The following SKOR2 variants were observed in gnomAD, a reference collection of about 807,000 sequenced individuals.
SKOR2 encodes the protein LBX1 corepressor 1-like protein.
In SKOR2, 47 loss-of-function variants were observed where a neutral mutation model predicts 69.1. That is an observed-to-expected ratio of 0.68 (90% CI 0.54 to 0.87). SKOR2 has a LOEUF of 0.87. Ranked by LOEUF, SKOR2 falls within the 40% of genes least tolerant of loss-of-function variation. The pLI is 0.00. For synonymous variants in SKOR2, 717 were observed against 672.6 expected (o/e 1.07, Z -1.02); for missense variants, 1,404 against 1,472.2 (o/e 0.95, Z 0.76).
chr18:47,243,744 T>C (rs1908772413), intron 4 of SKOR2, among the ~76,000 whole-genome samples: 1 of 152,220 alleles, frequency 6.6e-6, no homozygotes, highest in South Asian at 2.1e-4. Flanking sequence ...TTTCAAAGGA[T>C]ATAAGGCTTT....
chr18:47,245,597 C>T (rs2064269428), intron 2 of SKOR2, 36 bp from the exon 3 acceptor site: 1 of 1,467,040 alleles, frequency 6.8e-7, no homozygotes, highest in Non-Finnish European at 9.0e-7. Context: ...AAATCAATGC[C>T]CGGATCAAAC....
chr18:47,236,313 A>G (rs2064223444), intron 4 of SKOR2, among the ~76,000 whole-genome samples: 3 of 152,178 alleles, frequency 2.0e-5, no homozygotes, highest in Admixed American at 1.3e-4. Context: ...ATTGCCTAAC[A>G]GGCATTTATT....
rs1452787563 is a variant in SKOR2, at chr18:47,239,340, C to T, written c.2752+5568G>A. On this transcript the variant is annotated intron_variant, in intron 4 of 8. Coordinates refer to ENST00000425639, the MANE Select transcript of SKOR2 (RefSeq NM_001278063.4). ...TTGGCACTTCAGTGAGGTCACAGAA[C>T]AGAAAAGAAAAAAAAATCAATATCA... Among the ~76,000 whole-genome samples the T allele has an allele frequency of 2.7e-5, 4 of 148,186 alleles. No individual in the cohort carries two copies. The East Asian group carries it at 5.9e-4, about 22-fold the overall frequency.
chr18:47,207,333 T>C (rs1241419884), intron 8 of SKOR2, among the ~76,000 whole-genome samples: 1 of 152,314 alleles, frequency 6.6e-6, no homozygotes, highest in South Asian at 2.1e-4. Flanking sequence ...TGCATATTTA[T>C]AACTGATAAT....
At chr18:47,230,409 G>T in intron 6 of SKOR2, 50 bp downstream of exon 6, 1 of 1,101,554 alleles carries the variant, frequency 9.1e-7, no homozygotes, top group South Asian at 2.7e-5. Flanking sequence ...CCTAATAATA[G>T]AAACGTAATC....
At chr18:47,215,613 G>A (rs1282635813) in intron 7 of SKOR2, among the ~76,000 whole-genome samples, 1 of 152,122 alleles carries the variant, frequency 6.6e-6, no homozygotes, top group African/African-American at 2.4e-5. Context: ...CAAGTCCACC[G>A]TGAACAAAAC....
Position 47,246,499 on chromosome 18 carries a change from G to A in SKOR2, c.2613+72C>T, listed in dbSNP as rs2064273833. The A allele has an allele frequency of 1.6e-5, 22 of 1,412,914 alleles. No homozygotes were observed. The South Asian group carries it at 3.3e-4, about 21-fold the overall frequency. The allele number at this position is 1,412,914 out of a possible 1,614,324, so 87.5% of individuals were successfully genotyped here. A position where few individuals can be genotyped will look rare whatever the true frequency, so the allele number is the denominator to read the frequency against. On this transcript the variant is annotated intron_variant, in intron 2 of 8. Coordinates refer to ENST00000425639, the MANE Select transcript of SKOR2 (RefSeq NM_001278063.4). ...GGTGATTCATCTTTCCTGCGCATAT[G>A]TAACCGATTCAGCCTAAAGGTGCAT...
In SKOR2 at chr18:47,245,440, C is replaced by T. The variant is rs554287097; in HGVS notation, c.2677+58G>A. Reference sequence around the variant, plus strand: ...GTGAGGAGGCTGGGCATAAGTCTCACAGAAATGGTTAAATGCAGGCAAGAA... The same window carrying T: ...GTGAGGAGGCTGGGCATAAGTCTCATAGAAATGGTTAAATGCAGGCAAGAA... On this transcript the variant is annotated intron_variant, in intron 3 of 8. Coordinates refer to ENST00000425639, the MANE Select transcript of SKOR2 (RefSeq NM_001278063.4). 503 of 1,416,850 alleles carry T rather than the reference C, an allele frequency of 3.6e-4. 4 individuals carry two copies. Among genetic ancestry groups the T allele is most frequent in the African/African-American group, 3.1e-3 (195 of 63,478 alleles). 87.8% of individuals were successfully genotyped at this position (1,416,850 alleles called of 1,614,324 possible). A position where few individuals can be genotyped will look rare whatever the true frequency, so the allele number is the denominator to read the frequency against.
At chr18:47,212,057 A>G (rs984170906) in intron 8 of SKOR2, 29 bp downstream of exon 8, 3 of 1,231,488 alleles carry the variant, frequency 2.4e-6, no homozygotes, top group Middle Eastern at 3.1e-4. Context: ...CAGAGAGTTA[A>G]GAAAATCTCT....
intron 7 of SKOR2, among the ~76,000 whole-genome samples, chr18:47,215,073 A>T (rs541432745): frequency 6.6e-6 from 1 of 152,342 alleles, no homozygotes; most frequent in Non-Finnish European, 1.5e-5. Flanking sequence ...AACATCTCAA[A>T]AAGAGAAAGA....
intron 4 of SKOR2, among the ~76,000 whole-genome samples, chr18:47,242,159 A>T (rs1274846209): frequency 1.3e-5 from 2 of 152,180 alleles, no homozygotes; most frequent in Non-Finnish European, 1.5e-5. Context: ...CTAGGTCAAT[A>T]AGCATGGGGA....
intron 4 of SKOR2, among the ~76,000 whole-genome samples, chr18:47,238,722 C>T (rs948700530): frequency 1.3e-5 from 2 of 152,204 alleles, no homozygotes; most frequent in Admixed American, 6.5e-5. Context: ...TAATTTCGGT[C>T]AAGTGTCCAG....
intron 4 of SKOR2, among the ~76,000 whole-genome samples, chr18:47,233,423 G>A (rs1187147938): frequency 6.6e-6 from 1 of 152,112 alleles, no homozygotes. Flanking sequence ...TTATTAATGG[G>A]TAAACCAAGA....
intron 4 of SKOR2, 136 bp downstream of exon 4, chr18:47,244,772 G>T: frequency 1.4e-6 from 1 of 690,856 alleles, no homozygotes; most frequent in Non-Finnish European, 2.2e-6. Context: ...CCCCATTTGT[G>T]TTTTTCTTAG....
rs2064287971 is a variant in SKOR2, at chr18:47,247,818, G to A, written c.1366C>T (p.Pro456Ser). 2 of 1,393,928 alleles carry A rather than the reference G, an allele frequency of 1.4e-6. No homozygotes were observed. 86.3% of individuals were successfully genotyped at this position (1,393,928 alleles called of 1,614,324 possible). Residue 456 changes from proline (P) to serine (S), a missense_variant, in exon 2 of 9, where the codon CCC becomes TCC. Pro to Ser is a moderately conservative substitution (Grantham distance 74, BLOSUM62 -1). Around this residue, in one of 3 missense-constraint regions of SKOR2, gnomAD observed 1,266 missense variants for 1,309.9 expected, o/e 0.97. Coordinates refer to ENST00000425639, the MANE Select transcript of SKOR2 (RefSeq NM_001278063.4). The surrounding 1 kb of genome is among the most constrained non-coding windows in gnomAD (Gnocchi z 6.6). ...TAGAAGGCGTCCTTGCGGCCCGCGG[G>A]CCAGAAGAGGCCGGACAAGCCGGCC... is the stretch of plus-strand genomic sequence containing the variant. Reference protein sequence around the residue: ...PKAGLSGLFWPAGRKDAFYPP... With the variant: ...PKAGLSGLFWSAGRKDAFYPP...
intron 8 of SKOR2, among the ~76,000 whole-genome samples, chr18:47,210,783 A>C (rs2064125555): frequency 6.6e-6 from 1 of 152,112 alleles, no homozygotes. Context: ...CTCTCTGAGC[A>C]CCTCTGTTGC....
Position 47,245,495 on chromosome 18 carries a change from T to TTTTTTTTTA in SKOR2, c.2677+2_2677+3insTAAAAAAAA. On this transcript the variant is annotated splice_region_variant and intron_variant, in intron 3 of 8. Coordinates refer to ENST00000425639, the MANE Select transcript of SKOR2 (RefSeq NM_001278063.4). The stretch of plus-strand genomic sequence containing the variant: ...GGCAGCTGATTTTTTTTTTTTTTTT[T>TTTTTTTTTA]ACCTGAAAAGCTGTTGTCATCCTTT... The TTTTTTTTTA allele has an allele frequency of 7.5e-6, 11 of 1,470,294 alleles. No homozygotes were observed. The highest frequency in any genetic ancestry group is 7.2e-6 in the Non-Finnish European group (8 of 1,116,512). 91.1% of individuals were successfully genotyped at this position (1,470,294 alleles called of 1,614,324 possible).
intron 8 of SKOR2, among the ~76,000 whole-genome samples, chr18:47,207,976 C>A (rs984376362): frequency 2.0e-5 from 3 of 152,082 alleles, no homozygotes; most frequent in African/African-American, 7.2e-5. Flanking sequence ...ATGAACGTGG[C>A]CCCTTTCTGG....
chr18:47,224,207 A>G (rs1017398565), intron 6 of SKOR2, among the ~76,000 whole-genome samples: 4 of 152,112 alleles, frequency 2.6e-5, no homozygotes, highest in Non-Finnish European at 5.9e-5. Context: ...ACGCCCGACC[A>G]TATTTTTTCT....
Sources: allele counts gnomAD v4.1 joint callset (sites outside exome capture counted in the v4.1 genomes callset), GRCh38; gene constraint gnomAD v4.1.1; regional missense constraint gnomAD v4.1.1; non-coding constraint Gnocchi (gnomAD v3.1); transcripts MANE v1.5; gene names NCBI Gene and HGNC (gene_info 2026-07-23, HGNC 2026-07-21).